ANXA4: variants seen among roughly 807,000 people sequenced by gnomAD.
ANXA4 encodes annexin A4, also known as 35-beta calcimedin.
In ANXA4, 39 loss-of-function variants were observed where a neutral mutation model predicts 49.8. That is an observed-to-expected ratio of 0.78 (90% CI 0.61 to 1.02). The LOEUF (loss-of-function observed/expected upper bound fraction) is 1.02. Among genes scored for constraint, ANXA4 ranks in the 50% least tolerant of loss-of-function variants. The pLI is 0.00. For synonymous variants in ANXA4, 134 were observed against 152.5 expected (o/e 0.88, Z 0.89); for missense variants, 360 against 410.1 (o/e 0.88, Z 1.05).
intron 2 of ANXA4, among the ~76,000 whole-genome samples, chr2:69,687,046 G>A (rs1215511621): frequency 6.6e-6 from 1 of 152,252 alleles, no homozygotes; most frequent in Non-Finnish European, 1.5e-5. Flanking sequence ...GAGGAGCGGC[G>A]CTGTGCAGCC....
chr2:69,677,652 T>A (rs928358244), intron 2 of ANXA4, among the ~76,000 whole-genome samples: 2 of 152,222 alleles, frequency 1.3e-5, no homozygotes, highest in Non-Finnish European at 2.9e-5. Context: ...CCCTAATGGA[T>A]GGCACTTTGG....
At chr2:69,795,689 G>A (rs1672914639) in intron 3 of ANXA4, among the ~76,000 whole-genome samples, 1 of 152,188 alleles carries the variant, frequency 6.6e-6, no homozygotes, top group Non-Finnish European at 1.5e-5. Flanking sequence ...TCTTCCTTGA[G>A]TTGTCCACAC....
intron 2 of ANXA4, among the ~76,000 whole-genome samples, chr2:69,690,061 C>T (rs115286614): frequency 0.016 from 2,366 of 152,180 alleles, 65 homozygotes; most frequent in African/African-American, 0.052. Flanking sequence ...ATATATTCCT[C>T]GTTCTTTTTT....
intron 2 of ANXA4, among the ~76,000 whole-genome samples, chr2:69,660,924 A>G (rs1676692117): frequency 6.6e-6 from 1 of 152,172 alleles, no homozygotes; most frequent in Non-Finnish European, 1.5e-5. Flanking sequence ...CTGAAAAAAG[A>G]TGTAACTCTT....
At chr2:69,788,003 C>G in intron 2 of ANXA4, 51 bp from the exon 3 acceptor site, 1 of 1,487,034 alleles carries the variant, frequency 6.7e-7, no homozygotes, top group Non-Finnish European at 9.4e-7. Context: ...GAGATGCCTC[C>G]GTGTTGGTGA....
chr2:69,692,420 T>A (rs1405799819), intron 2 of ANXA4, among the ~76,000 whole-genome samples: 1 of 152,248 alleles, frequency 6.6e-6, no homozygotes, highest in East Asian at 1.9e-4. Context: ...GAATTCCCTT[T>A]CCCTGTATCA....
At chr2:69,663,681 T>C (rs958622361) in intron 2 of ANXA4, among the ~76,000 whole-genome samples, 1 of 151,918 alleles carries the variant, frequency 6.6e-6, no homozygotes, top group Non-Finnish European at 1.5e-5. Context: ...AAAAAAAGAA[T>C]ACTCTAAAAA....
At chr2:69,750,565 G>A (rs7605867) in intron 1 of ANXA4, among the ~76,000 whole-genome samples, 34,110 of 152,016 alleles carry the variant, frequency 0.22, 4,361 homozygotes, top group East Asian at 0.35. Context: ...GGCACGCGCT[G>A]CCACACCCAG....
At position 69,810,612 on chromosome 2, in the gene ANXA4, A is replaced by G; in HGVS notation, c.416A>G (p.Glu139Gly). Residue 139 changes from glutamate (E) to glycine (G), a missense_variant, in exon 7 of 13, where the codon GAA becomes GGA. Glu to Gly is a moderately conservative substitution (Grantham distance 98, BLOSUM62 -2). Transcript: ENST00000394295. ...TTGCTAGAATATGGACGGAGCCTTG[A>G]AGATGACATTCGCTCTGACACATCG... ...TYQQQYGRSL[E>G]DDIRSDTSFM... The G allele has an allele frequency of 1.2e-6, 2 of 1,614,126 alleles. No homozygotes were observed. The highest frequency in any genetic ancestry group is 1.7e-6 in the Non-Finnish European group (2 of 1,179,974).
intron 3 of ANXA4, among the ~76,000 whole-genome samples, chr2:69,722,854 G>T (rs895860919): frequency 1.3e-5 from 2 of 151,790 alleles, no homozygotes; most frequent in African/African-American, 2.4e-5. Context: ...AGAAAAAAGC[G>T]CAGAGTAAAC....
At chr2:69,820,059 C>A (rs777042923) in intron 11 of ANXA4, among the ~76,000 whole-genome samples, 12 of 147,938 alleles carry the variant, frequency 8.1e-5, no homozygotes, top group Non-Finnish European at 1.6e-4. Context: ...CACAGTGAGA[C>A]TCTGTCTCAA....
At chr2:69,660,183 A>G (rs1279224427) in intron 2 of ANXA4, among the ~76,000 whole-genome samples, 1 of 152,250 alleles carries the variant, frequency 6.6e-6, no homozygotes, top group African/African-American at 2.4e-5. Context: ...CTGCAGAGTC[A>G]TTAAAAACCC....
chr2:69,740,601 T>C (rs2105464165), upstream of ANXA4, among the ~76,000 whole-genome samples: 1 of 151,680 alleles, frequency 6.6e-6, no homozygotes, highest in East Asian at 1.9e-4. Context: ...ACTACAGGCG[T>C]GGCTATGCAC....
chr2:69,805,046 CAAAAAAAAAAAA>C lies in ANXA4; in HGVS notation c.192+434_192+445del, dbSNP rs60172949. On this transcript the variant is annotated intron_variant, in intron 4 of 12. Transcript: ENST00000394295. ...TGGGCAACAGAGACAGACTCCATCTCAAAAAAAAAAAAAAAAAAAAAAAAAAGAATAGCGATT... is the reference window on the plus strand; with the variant it reads ...TGGGCAACAGAGACAGACTCCATCTCAAAAAAAAAAAAAAGAATAGCGATT... 3.7e-3 allele frequency among the ~76,000 whole-genome samples: 133 copies of C among 35,880 alleles called. 1 individual carries two copies. Among genetic ancestry groups the C allele is most frequent in the African/African-American group, 9.0e-3 (116 of 12,930 alleles). The allele number at this position is 35,880 out of a possible 152,430, so 23.5% of individuals were successfully genotyped here. A position where few individuals can be genotyped will look rare whatever the true frequency, so the allele number is the denominator to read the frequency against.
intron 2 of ANXA4, among the ~76,000 whole-genome samples, chr2:69,693,748 A>T (rs1678059432): frequency 1.3e-5 from 2 of 152,210 alleles, no homozygotes; most frequent in African/African-American, 2.4e-5. Context: ...ATTTGGGGTT[A>T]GGTTTAACAA....
At chr2:69,761,768 T>C (rs1218669432) in intron 1 of ANXA4, among the ~76,000 whole-genome samples, 2 of 130,402 alleles carry the variant, frequency 1.5e-5, no homozygotes, top group Non-Finnish European at 3.1e-5. Context: ...CAGAGCAAGA[T>C]GCTGTCTTAA....
intron 12 of ANXA4, among the ~76,000 whole-genome samples, chr2:69,823,188 T>C (rs1386868717): frequency 1.3e-5 from 2 of 151,084 alleles, no homozygotes; most frequent in African/African-American, 4.8e-5. Context: ...TACAAATATA[T>C]TGATTGGCTT....
At chr2:69,668,589 G>A (rs192546145) in intron 2 of ANXA4, among the ~76,000 whole-genome samples, 10 of 152,188 alleles carry the variant, frequency 6.6e-5, no homozygotes, top group African/African-American at 2.4e-4. Context: ...TATATGTATA[G>A]ACACATACAT....
At chr2:69,803,147 G>A (rs994956470) in intron 3 of ANXA4, among the ~76,000 whole-genome samples, 1 of 151,380 alleles carries the variant, frequency 6.6e-6, no homozygotes, top group African/African-American at 2.4e-5. Context: ...GGAGTGAGCT[G>A]GACTGCACTC....
Sources: allele counts gnomAD v4.1 joint callset (sites outside exome capture counted in the v4.1 genomes callset), GRCh38; gene constraint gnomAD v4.1.1; transcripts MANE v1.5; gene names NCBI Gene and HGNC (gene_info 2026-07-23, HGNC 2026-07-21).